Variants in ZMAT4 observed in about 807,000 individuals in gnomAD.
ZMAT4 encodes the protein zinc finger matrin-type protein 4.
A neutral mutation model predicts 28.7 loss-of-function variants in ZMAT4; 17 were observed. That is an observed-to-expected ratio of 0.59 (90% CI 0.41 to 0.89). ZMAT4 has a LOEUF of 0.89. Among genes scored for constraint, ZMAT4 ranks in the 40% least tolerant of loss-of-function variants. The probability of loss-of-function intolerance (pLI) is 0.00; values close to 1 mark genes in which losing one functional copy is unlikely to be tolerated. For synonymous variants in ZMAT4, 117 were observed against 109.2 expected, an observed-to-expected ratio of 1.07 and a Z score of -0.44; for missense variants, 240 against 283.8, an observed-to-expected ratio of 0.85 and a Z score of 1.11.
intron 1 of ZMAT4, among the ~76,000 whole-genome samples, chr8:40,871,335 T>G (rs1817849939): frequency 6.6e-6 from 1 of 152,226 alleles, no homozygotes; most frequent in Non-Finnish European, 1.5e-5. Context: ...CCTCTCCCTA[T>G]AAAGCTAAAT....
chr8:40,564,395 C>G (rs1803847469), intron 6 of ZMAT4, among the ~76,000 whole-genome samples: 1 of 152,150 alleles, frequency 6.6e-6, no homozygotes. Flanking sequence ...CCTCTTTCTG[C>G]CTTCTCTCCC....
intron 5 of ZMAT4, among the ~76,000 whole-genome samples, chr8:40,624,012 C>T (rs1252464135): frequency 6.6e-6 from 1 of 152,122 alleles, no homozygotes; most frequent in Non-Finnish European, 1.5e-5. Flanking sequence ...CCAGGTCATA[C>T]TGTTTTTCTT....
At chr8:40,746,612 C>A (rs551506965) in intron 3 of ZMAT4, among the ~76,000 whole-genome samples, 21 of 152,072 alleles carry the variant, frequency 1.4e-4, no homozygotes, top group Non-Finnish European at 2.8e-4. Context: ...ACCTTGGCCT[C>A]CCAAAGTGCT....
chr8:40,673,384 G>T (rs903441451), intron 5 of ZMAT4, among the ~76,000 whole-genome samples: 1 of 152,030 alleles, frequency 6.6e-6, no homozygotes, highest in Non-Finnish European at 1.5e-5. Flanking sequence ...CCCCTTACAG[G>T]TTCACAGCCA....
chr8:40,834,768 C>T (rs1314313841), intron 1 of ZMAT4, among the ~76,000 whole-genome samples: 2 of 152,202 alleles, frequency 1.3e-5, no homozygotes, highest in Non-Finnish European at 2.9e-5. Flanking sequence ...ATCTCCTTAC[C>T]CTGTAGGTCC....
chr8:40,759,328 G>A (rs1586006432), intron 3 of ZMAT4, among the ~76,000 whole-genome samples: 1 of 151,274 alleles, frequency 6.6e-6, no homozygotes, highest in Non-Finnish European at 1.5e-5. Context: ...AGAATCTATG[G>A]TTGCTAAATT....
intron 3 of ZMAT4, among the ~76,000 whole-genome samples, chr8:40,732,279 G>A (rs1811572982): frequency 8.0e-6 from 1 of 125,650 alleles, no homozygotes; most frequent in Non-Finnish European, 1.9e-5. Context: ...AAAAGACAAA[G>A]GGACCTTAGA....
In ZMAT4 at chr8:40,804,986, C is replaced by G. The variant is rs183281244; in HGVS notation, c.102+20589G>C. Among the ~76,000 whole-genome samples the G allele has an allele frequency of 1.7e-4, 25 of 150,100 alleles. 1 individual carries two copies. In the South Asian group the frequency reaches 5.0e-3, roughly 30 times the overall value. On this transcript the variant is annotated intron_variant, in intron 2 of 6. Coordinates refer to ENST00000297737, the MANE Select transcript of ZMAT4 (RefSeq NM_024645.3). The stretch of plus-strand genomic sequence containing the variant: ...ATTCTAGAGCTTCTGCACAGCAAAA[C>G]AAACTACCATCAGAGTGAACAGGCA...
chr8:40,596,389 T>G (rs1218231314), intron 5 of ZMAT4, among the ~76,000 whole-genome samples: 2 of 152,264 alleles, frequency 1.3e-5, no homozygotes, highest in Non-Finnish European at 2.9e-5. Flanking sequence ...TCTTTTGTAA[T>G]AACAGCTTAA....
intron 6 of ZMAT4, among the ~76,000 whole-genome samples, chr8:40,556,328 A>G (rs1803532984): frequency 6.6e-6 from 1 of 152,186 alleles, no homozygotes; most frequent in Non-Finnish European, 1.5e-5. Flanking sequence ...CTCAAATTTA[A>G]CATGAATACA....
At chr8:40,823,286 A>G (rs1815897157) in intron 2 of ZMAT4, among the ~76,000 whole-genome samples, 1 of 152,200 alleles carries the variant, frequency 6.6e-6, no homozygotes. Context: ...AAGGAAGAAC[A>G]TAAAGTACTA....
chr8:40,571,981 A>G (rs954566460), intron 6 of ZMAT4, among the ~76,000 whole-genome samples: 7 of 152,188 alleles, frequency 4.6e-5, no homozygotes, highest in African/African-American at 1.7e-4. Flanking sequence ...AAAATTCTAC[A>G]AAGAATATTA....
intron 5 of ZMAT4, among the ~76,000 whole-genome samples, chr8:40,602,975 C>T (rs1335459038): frequency 6.6e-6 from 1 of 152,104 alleles, no homozygotes; most frequent in Non-Finnish European, 1.5e-5. Context: ...TGGTCATGAA[C>T]TCTTTGTCCA....
At chr8:40,767,604 A>G (rs774320400) in intron 3 of ZMAT4, 37 bp downstream of exon 3, 5 of 1,573,596 alleles carry the variant, frequency 3.2e-6, no homozygotes, top group Admixed American at 1.8e-5. Context: ...ACACAGAACA[A>G]ATCATCTGAG....
At position 40,807,382 on chromosome 8, in the gene ZMAT4, T is replaced by C. The variant is rs149693702; in HGVS notation, c.102+18193A>G. Among the ~76,000 whole-genome samples the C allele has an allele frequency of 6.2e-4, 95 of 152,210 alleles. 1 individual carries two copies. The highest frequency in any genetic ancestry group is 2.2e-3 in the African/African-American group (92 of 41,540). On this transcript the variant is annotated intron_variant, in intron 2 of 6. Transcript: ENST00000297737. ...TCTAAGAACACCAGGAGGAGAAGGT[T>C]GCAGTGAGCTGAGATTGTGCCACTG...
chr8:40,741,022 GCA>G (rs1046615986), intron 3 of ZMAT4, among the ~76,000 whole-genome samples: 22 of 138,614 alleles, frequency 1.6e-4, no homozygotes, highest in Non-Finnish European at 2.8e-4. Flanking sequence ...ACACACACAC[GCA>G]CACACAGCTA....
chr8:40,536,160 T>C (rs1009490582), intron 6 of ZMAT4, among the ~76,000 whole-genome samples: 1 of 152,206 alleles, frequency 6.6e-6, no homozygotes, highest in Admixed American at 6.5e-5. Context: ...ATTTCCTAAT[T>C]TCTATTCTTG....
At chr8:40,726,324 G>A (rs1388055913) in intron 3 of ZMAT4, among the ~76,000 whole-genome samples, 10 of 152,332 alleles carry the variant, frequency 6.6e-5, no homozygotes, top group Non-Finnish European at 1.3e-4. Context: ...CATCAAGATC[G>A]TGGGCTTTTC....
At chr8:40,879,108 T>C (rs1586211115) in intron 1 of ZMAT4, among the ~76,000 whole-genome samples, 1 of 152,168 alleles carries the variant, frequency 6.6e-6, no homozygotes, top group African/African-American at 2.4e-5. Context: ...AGCACACCCA[T>C]GTCTACCTCT....
Sources: gnomAD v4.1 joint callset for allele counts (sites outside exome capture counted in the v4.1 genomes callset) on GRCh38, gnomAD v4.1.1 for gene constraint, MANE v1.5 for transcripts, NCBI Gene and HGNC (gene_info 2026-07-23, HGNC 2026-07-21) for gene names.